The following SCCPDH variants were observed in gnomAD, a reference collection of about 807,000 sequenced individuals.
SCCPDH encodes saccharopine dehydrogenase (putative).
SCCPDH carries 34 observed loss-of-function variants against 51.5 expected under a neutral mutation model. The observed-to-expected ratio is 0.66, with a 90% CI of 0.50 to 0.88. The LOEUF is 0.88. Ranked by LOEUF, SCCPDH falls within the 40% of genes least tolerant of loss-of-function variation. The probability of loss-of-function intolerance (pLI) is 0.00; values close to 1 mark genes in which losing one functional copy is unlikely to be tolerated. For missense variants in SCCPDH, 464 were observed against 527.1 expected (o/e 0.88, Z 1.17); for synonymous variants, 187 against 191.3 (o/e 0.98, Z 0.19).
intron 11 of SCCPDH, among the ~76,000 whole-genome samples, chr1:246,766,453 T>G (rs536203034): frequency 6.6e-5 from 10 of 152,300 alleles, no homozygotes; most frequent in Non-Finnish European, 1.3e-4. Flanking sequence ...TTGTTAATAG[T>G]ATTACTAGGA....
chr1:246,745,318 T>C (rs892205583), intron 5 of SCCPDH, among the ~76,000 whole-genome samples: 1 of 152,266 alleles, frequency 6.6e-6, no homozygotes, highest in African/African-American at 2.4e-5. Context: ...AAGTATTTGT[T>C]CTAAATTATA....
At chr1:246,750,756 G>A (rs976730715) in intron 5 of SCCPDH, among the ~76,000 whole-genome samples, 1 of 152,220 alleles carries the variant, frequency 6.6e-6, no homozygotes, top group Non-Finnish European at 1.5e-5. Flanking sequence ...CGAGTAAGGT[G>A]ATCTATTATT....
intron 5 of SCCPDH, among the ~76,000 whole-genome samples, chr1:246,749,719 G>C (rs1440309144): frequency 6.6e-6 from 1 of 152,208 alleles, no homozygotes; most frequent in African/African-American, 2.4e-5. Flanking sequence ...GAGAAGCTCT[G>C]CTCTAGGAGG....
chr1:246,763,767 G>A (rs895285547), intron 9 of SCCPDH, among the ~76,000 whole-genome samples: 1 of 152,148 alleles, frequency 6.6e-6, no homozygotes, highest in African/African-American at 2.4e-5. Flanking sequence ...GATCATGATT[G>A]AATTCTTTAT....
rs184147464 is a variant in SCCPDH at position 246,745,846 on chromosome 1, C to T, written c.564+1721C>T. On this transcript the variant is annotated intron_variant, in intron 5 of 11. Transcript: ENST00000366510. ...AGGGCTGGCCGGGCATGGTGGCTCACGCCTGTAATCCCAGCACTTTGGGAG... is the reference window on the plus strand; with the variant it reads ...AGGGCTGGCCGGGCATGGTGGCTCATGCCTGTAATCCCAGCACTTTGGGAG... Among the ~76,000 whole-genome samples, 32 of 152,166 alleles carry T rather than the reference C, an allele frequency of 2.1e-4. No homozygotes were observed. In the East Asian group the frequency reaches 2.7e-3, roughly 13 times the overall value.
intron 2 of SCCPDH, among the ~76,000 whole-genome samples, chr1:246,730,668 A>G (rs964955348): frequency 1.4e-4 from 21 of 152,228 alleles, no homozygotes; most frequent in African/African-American, 5.1e-4. Flanking sequence ...GTAAACATTA[A>G]CATGGATAAA....
chr1:246,760,614 T>C (rs908277066), intron 9 of SCCPDH, among the ~76,000 whole-genome samples: 1 of 152,212 alleles, frequency 6.6e-6, no homozygotes, highest in Non-Finnish European at 1.5e-5. Flanking sequence ...TTTCACTTCC[T>C]CTTCCACATA....
intron 2 of SCCPDH, among the ~76,000 whole-genome samples, chr1:246,729,600 GC>G (rs1668460346): frequency 1.3e-5 from 2 of 152,160 alleles, no homozygotes; most frequent in South Asian, 4.1e-4. Flanking sequence ...TTTTTAGGAT[GC>G]CCAGATTTCA....
At chr1:246,727,094 A>G in intron 2 of SCCPDH, 90 bp downstream of exon 2, 2 of 1,102,274 alleles carry the variant, frequency 1.8e-6, no homozygotes, top group South Asian at 1.3e-5. Flanking sequence ...AGAGGACAGA[A>G]TTGTTGGTTG....
chr1:246,749,030 T>C (rs1668811597), intron 5 of SCCPDH, among the ~76,000 whole-genome samples: 1 of 152,334 alleles, frequency 6.6e-6, no homozygotes, highest in Admixed American at 6.5e-5. Flanking sequence ...GAAGTTAATA[T>C]CAGGCTGGAG....
chr1:246,744,183 AT>A, intron 5 of SCCPDH, 58 bp downstream of exon 5: 1 of 1,000,374 alleles, frequency 1.0e-6, no homozygotes, highest in Non-Finnish European at 1.5e-6. Flanking sequence ...TATTTTGGAA[AT>A]GATACATGTG....
intron 10 of SCCPDH, 63 bp from the exon 11 acceptor site, chr1:246,765,995 T>A: frequency 1.9e-6 from 2 of 1,069,814 alleles, no homozygotes; most frequent in Non-Finnish European, 2.8e-6. Flanking sequence ...ATTTGATTTT[T>A]GATGTTGTTG....
chr1:246,747,588 A>C (rs1668780729), intron 5 of SCCPDH, among the ~76,000 whole-genome samples: 6 of 152,370 alleles, frequency 3.9e-5, no homozygotes, highest in Admixed American at 3.9e-4. Flanking sequence ...AGAAGGGTGC[A>C]TCTCGTGGAT....
chr1:246,753,039 CTCTT>C (rs1558172535), intron 5 of SCCPDH, among the ~76,000 whole-genome samples: 1 of 151,570 alleles, frequency 6.6e-6, no homozygotes, highest in Non-Finnish European at 1.5e-5. Flanking sequence ...TTCTCTCTCT[CTCTT>C]TTTCTTTGAC....
intron 2 of SCCPDH, among the ~76,000 whole-genome samples, chr1:246,734,658 T>C (rs1668541664): frequency 1.3e-5 from 2 of 152,198 alleles, no homozygotes. Flanking sequence ...TCTGACCTAT[T>C]TGTAAAGGTC....
rs781332637 is a variant in SCCPDH at position 246,760,167 on chromosome 1, T to C, written c.934-4T>C. On this transcript the variant is annotated splice_region_variant and splice_polypyrimidine_tract_variant and intron_variant, in intron 8 of 11. Coordinates refer to ENST00000366510, the MANE Select transcript of SCCPDH (RefSeq NM_016002.3). Reference sequence around the variant, plus strand: ...TATCACTGACGGTTTTTTTTTCCCTTTAGTTCCCATGGTTCTTCTCCTTTG... The same window carrying C: ...TATCACTGACGGTTTTTTTTTCCCTCTAGTTCCCATGGTTCTTCTCCTTTG... 8.7e-6 allele frequency: 14 copies of C among 1,606,802 alleles called. 1 individual carries two copies. The highest frequency in any genetic ancestry group is 7.6e-6 in the Non-Finnish European group (9 of 1,178,230).
At chr1:246,734,021 C>T (rs1337032338) in intron 2 of SCCPDH, among the ~76,000 whole-genome samples, 1 of 152,108 alleles carries the variant, frequency 6.6e-6, no homozygotes, top group Non-Finnish European at 1.5e-5. Flanking sequence ...GGCAGTGATT[C>T]TCCATCTTTG....
intron 5 of SCCPDH, among the ~76,000 whole-genome samples, chr1:246,757,357 A>AG (rs1668946228): frequency 6.6e-6 from 1 of 151,282 alleles, no homozygotes; most frequent in African/African-American, 2.4e-5. Flanking sequence ...AAAAAAAAAA[A>AG]AAAAAAAAGG....
chr1:246,758,356 G>C lies in SCCPDH; in HGVS notation c.695G>C (p.Arg232Thr). 6.3e-7 allele frequency: 1 copy of C among 1,586,968 alleles called. No individual in the cohort carries two copies. Among genetic ancestry groups the C allele is most frequent in the African/African-American group, 1.4e-5 (1 of 73,502 alleles). ...VPLIGPKLKR[R>T]WPISYCRELK... ...CTCATTGGTCCAAAATTGAAGAGAA[G>C]GTAAATTAACTTAAAATCCATTTTT... The change falls in exon 6 of 12, where the codon AGG becomes ACG. Residue 232 changes from arginine (R) to threonine (T), a missense_variant and splice_region_variant. Arg to Thr is a moderately conservative substitution (Grantham distance 71). Coordinates refer to ENST00000366510, the MANE Select transcript of SCCPDH (RefSeq NM_016002.3).
Sources: allele counts gnomAD v4.1 joint callset (sites outside exome capture counted in the v4.1 genomes callset), GRCh38; gene constraint gnomAD v4.1.1; transcripts MANE v1.5; gene names NCBI Gene and HGNC (gene_info 2026-07-23, HGNC 2026-07-21).